The following MAPK10 variants were observed in gnomAD, a reference collection of about 807,000 sequenced individuals.
The protein encoded by MAPK10 is JNK3 alpha protein kinase.
In MAPK10, 25 loss-of-function variants were observed where a neutral mutation model predicts 59.3. The ratio of observed to expected loss-of-function variants is 0.42; its 90% CI spans 0.31 to 0.59. MAPK10 has a LOEUF of 0.59. Ranked by LOEUF, MAPK10 falls within the 20% of genes least tolerant of loss-of-function variation. The pLI is 0.15. For synonymous variants in MAPK10, 190 were observed against 200.5 expected, an observed-to-expected ratio of 0.95 and a Z score of 0.44; for missense variants, 351 against 568.9, an observed-to-expected ratio of 0.62 and a Z score of 3.90.
intron 2 of MAPK10, among the ~76,000 whole-genome samples, chr4:86,252,553 C>T (rs1252415805): frequency 7.1e-6 from 1 of 141,378 alleles, no homozygotes; most frequent in East Asian, 2.0e-4. Context: ...GGTACCAGTA[C>T]CATGCTGTTT....
chr4:86,200,618 T>C (rs2082404453), intron 2 of MAPK10, among the ~76,000 whole-genome samples: 1 of 151,940 alleles, frequency 6.6e-6, no homozygotes, highest in Admixed American at 6.6e-5. Context: ...TTTATGAACG[T>C]GTCTTTTTGT....
intron 10 of MAPK10, chr4:86,064,612 T>G: frequency 1.9e-6 from 1 of 527,474 alleles, no homozygotes; most frequent in Admixed American, 3.3e-5. Context: ...TGTAACACTT[T>G]GGGTATATAA....
chr4:86,318,785 T>C (rs2095837990), intron 2 of MAPK10, among the ~76,000 whole-genome samples: 2 of 152,290 alleles, frequency 1.3e-5, no homozygotes, highest in Admixed American at 6.5e-5. Flanking sequence ...TAATAATTTA[T>C]ATTAGGCTGG....
chr4:86,214,916 T>C (rs1028230606), intron 2 of MAPK10, among the ~76,000 whole-genome samples: 4 of 152,034 alleles, frequency 2.6e-5, no homozygotes, highest in African/African-American at 9.7e-5. Context: ...AAATCCACCC[T>C]AAAATTCATA....
chr4:86,420,211 T>C (rs1746335994), intron 1 of MAPK10, among the ~76,000 whole-genome samples: 1 of 152,218 alleles, frequency 6.6e-6, no homozygotes, highest in South Asian at 2.1e-4. Flanking sequence ...TTGACTGTTG[T>C]GGTCACCTGC....
chr4:86,547,324 A>G (rs972257477), intron 1 of MAPK10, among the ~76,000 whole-genome samples: 1 of 152,010 alleles, frequency 6.6e-6, no homozygotes, highest in African/African-American at 2.4e-5. Context: ...GTGGAGGGAG[A>G]GGCGCTGGGG....
chr4:86,178,234 T>C (rs2076133467), intron 3 of MAPK10, among the ~76,000 whole-genome samples: 1 of 152,106 alleles, frequency 6.6e-6, no homozygotes, highest in South Asian at 2.1e-4. Context: ...CTCAGTTAAA[T>C]GTAGTTTAAG....
At chr4:86,292,042 C>T (rs1290423793) in intron 2 of MAPK10, among the ~76,000 whole-genome samples, 1 of 152,170 alleles carries the variant, frequency 6.6e-6, no homozygotes, top group Non-Finnish European at 1.5e-5. Context: ...GAGACAGAAA[C>T]TTACTTAGAT....
intron 4 of MAPK10, among the ~76,000 whole-genome samples, chr4:86,121,897 T>C (rs1459879295): frequency 6.6e-6 from 1 of 152,176 alleles, no homozygotes; most frequent in East Asian, 1.9e-4. Context: ...CTCCAGCCAC[T>C]GGTAACCACC....
At position 86,515,947 on chromosome 4, in the gene MAPK10, C is replaced by T. The variant is rs534008984; in HGVS notation, c.-263+77963G>A. Among the ~76,000 whole-genome samples, 136 of 151,286 alleles carry T rather than the reference C, an allele frequency of 9.0e-4. 1 individual carries two copies. Among genetic ancestry groups the T allele is most frequent in the African/African-American group, 3.1e-3 (126 of 41,250 alleles). ...TTGCTTTTGGGTTCTTGGTCATGAA[C>T]TCTTTGCCTAAGCCAATGTCTAGAA... On this transcript the variant is annotated intron_variant, in intron 1 of 4. Coordinates refer to the MAPK10 transcript ENST00000502302.
intron 2 of MAPK10, among the ~76,000 whole-genome samples, chr4:86,332,297 T>C (rs961938971): frequency 4.6e-5 from 7 of 152,364 alleles, no homozygotes; most frequent in African/African-American, 1.4e-4. Context: ...TACATTTAAA[T>C]GCATCATTTT....
chr4:86,227,210 G>A (rs977465501), intron 2 of MAPK10, among the ~76,000 whole-genome samples: 5 of 152,086 alleles, frequency 3.3e-5, no homozygotes, highest in Admixed American at 6.5e-5. Flanking sequence ...AGACACGGCC[G>A]GGTGGGGTGG....
intron 1 of MAPK10, among the ~76,000 whole-genome samples, chr4:86,530,641 C>T (rs551402476): frequency 6.6e-6 from 1 of 152,278 alleles, no homozygotes; most frequent in Admixed American, 6.5e-5. Context: ...TACCTTCTTG[C>T]CACATCCTCA....
At chr4:86,069,523 T>G (rs530640691) in intron 9 of MAPK10, among the ~76,000 whole-genome samples, 2 of 152,018 alleles carry the variant, frequency 1.3e-5, no homozygotes, top group African/African-American at 4.8e-5. Context: ...AAGGTTAGAG[T>G]TACAAATTAC....
intron 5 of MAPK10, 149 bp from the exon 6 acceptor site, chr4:86,103,393 G>A: frequency 1.7e-6 from 1 of 578,048 alleles, no homozygotes. Context: ...CTGTCTCAGA[G>A]GACACAGAAA....
chr4:86,489,048 T>C (rs1004709421), intron 1 of MAPK10, among the ~76,000 whole-genome samples: 1 of 152,162 alleles, frequency 6.6e-6, no homozygotes, highest in Non-Finnish European at 1.5e-5. Flanking sequence ...TGGAGGCCAC[T>C]GGAGGAGAAC....
chr4:86,048,180 C>A (rs1001687240), intron 11 of MAPK10, among the ~76,000 whole-genome samples: 1 of 152,002 alleles, frequency 6.6e-6, no homozygotes, highest in Non-Finnish European at 1.5e-5. Context: ...ACACTATGCA[C>A]CTGCCATTAC....
At chr4:86,094,097 TAAG>T (rs2053764872) in intron 9 of MAPK10, among the ~76,000 whole-genome samples, 1 of 151,922 alleles carries the variant, frequency 6.6e-6, no homozygotes, top group Non-Finnish European at 1.5e-5. Flanking sequence ...TTCAAAGAGG[TAAG>T]AAGAATTTTA....
At chr4:86,538,153 T>TC (rs982786619) in intron 1 of MAPK10, among the ~76,000 whole-genome samples, 3 of 145,258 alleles carry the variant, frequency 2.1e-5, no homozygotes, top group African/African-American at 7.4e-5. Context: ...TAATAAATCT[T>TC]TTTTTTTTTT....
Sources: allele counts gnomAD v4.1 joint callset (sites outside exome capture counted in the v4.1 genomes callset), GRCh38; gene constraint gnomAD v4.1.1; transcripts MANE v1.5; gene names NCBI Gene and HGNC (gene_info 2026-07-23, HGNC 2026-07-21).